LTBP1: variants seen among roughly 807,000 people sequenced by gnomAD.
The protein encoded by LTBP1 is latent transforming growth factor beta binding protein 1, also known as latent-transforming growth factor beta-binding protein 1.
Under a neutral mutation model 207.6 loss-of-function variants are expected in LTBP1, and 129 were observed. The ratio of observed to expected loss-of-function variants is 0.62; its 90% CI spans 0.54 to 0.72. The LOEUF (loss-of-function observed/expected upper bound fraction) is 0.72. LTBP1 is among the 30% of genes least tolerant of loss of function. The pLI is 0.00. For synonymous variants in LTBP1, 963 were observed against 833.7 expected (o/e 1.16, Z -2.67); for missense variants, 2,281 against 2,217.2 (o/e 1.03, Z -0.58).
intron 2 of LTBP1, among the ~76,000 whole-genome samples, chr2:32,961,558 C>T (rs79413782): frequency 6.6e-6 from 1 of 152,066 alleles, no homozygotes; most frequent in South Asian, 2.1e-4. Context: ...GTTCATCCCC[C>T]CCACCTCAAC....
chr2:33,209,386 C>G (rs2090127759), intron 7 of LTBP1, among the ~76,000 whole-genome samples: 1 of 152,170 alleles, frequency 6.6e-6, no homozygotes, highest in Non-Finnish European at 1.5e-5. Context: ...GCTTCATGGT[C>G]TTGGTTCTCT....
chr2:33,046,488 T>G (rs987467472), intron 3 of LTBP1, among the ~76,000 whole-genome samples: 3 of 152,166 alleles, frequency 2.0e-5, no homozygotes, highest in Non-Finnish European at 2.9e-5. Flanking sequence ...TGGATAAGCT[T>G]TTTGATGTGC....
At chr2:33,374,750 G>A (rs1021770073) in intron 31 of LTBP1, among the ~76,000 whole-genome samples, 10 of 152,138 alleles carry the variant, frequency 6.6e-5, no homozygotes, top group African/African-American at 2.2e-4. Flanking sequence ...TCAGGAGTTC[G>A]AGACCAGCCT....
chr2:33,202,022 AACACACACACAC>A lies in LTBP1; in HGVS notation c.1701+13199_1701+13210del, dbSNP rs10558832. The stretch of plus-strand genomic sequence containing the variant: ...CCTAAGCTCTAAAGCTTAGCACTGG[AACACACACACAC>A]ACACACACACACACACACACACACA... On this transcript the variant is annotated intron_variant, in intron 7 of 33. Coordinates refer to ENST00000404816, the MANE Select transcript of LTBP1 (RefSeq NM_206943.4). Among the ~76,000 whole-genome samples the A allele has an allele frequency of 1.3e-4, 18 of 140,674 alleles. 1 individual carries two copies. The highest frequency in any genetic ancestry group is 4.8e-4 in the South Asian group (2 of 4,204). 92.3% of individuals were successfully genotyped at this position (140,674 alleles called of 152,430 possible). A position where few individuals can be genotyped will look rare whatever the true frequency, so the allele number is the denominator to read the frequency against.
At chr2:33,037,475 CTT>C (rs981201583) in intron 3 of LTBP1, among the ~76,000 whole-genome samples, 8 of 152,106 alleles carry the variant, frequency 5.3e-5, no homozygotes, top group South Asian at 2.1e-4. Context: ...CTATTTGACT[CTT>C]TTCAAATTTC....
chr2:33,333,931 A>G (rs1006809402), intron 24 of LTBP1, among the ~76,000 whole-genome samples: 2 of 152,166 alleles, frequency 1.3e-5, no homozygotes, highest in African/African-American at 4.8e-5. Context: ...CAAGTAAAAG[A>G]GACCCTGTAG....
At chr2:33,389,437 G>T in intron 32 of LTBP1, 131 bp downstream of exon 32, 1 of 1,256,502 alleles carries the variant, frequency 8.0e-7, no homozygotes, top group African/African-American at 1.5e-5. Context: ...TGGTCAGAAA[G>T]TCTAGGGTGG....
chr2:33,177,630 T>G (rs2086195105), intron 5 of LTBP1, among the ~76,000 whole-genome samples: 1 of 152,140 alleles, frequency 6.6e-6, no homozygotes, highest in Non-Finnish European at 1.5e-5. Flanking sequence ...ATCACACCAC[T>G]ACATTCCAGC....
chr2:33,088,305 A>G (rs939346413), intron 3 of LTBP1, among the ~76,000 whole-genome samples: 5 of 152,186 alleles, frequency 3.3e-5, no homozygotes, highest in Non-Finnish European at 7.3e-5. Flanking sequence ...TACAAAAATT[A>G]GCTAGGCATG....
intron 9 of LTBP1, among the ~76,000 whole-genome samples, chr2:33,238,454 C>T (rs2092155230): frequency 6.6e-6 from 1 of 152,162 alleles, no homozygotes; most frequent in African/African-American, 2.4e-5. Context: ...CACCAAATGT[C>T]ATACTTTCTT....
chr2:33,306,492 C>A lies in LTBP1; in HGVS notation c.3482-2942C>A, dbSNP rs187159020. Among the ~76,000 whole-genome samples the A allele has an allele frequency of 4.4e-3, 668 of 151,960 alleles. 2 individuals carry two copies. Among genetic ancestry groups the A allele is most frequent in the Non-Finnish European group, 6.9e-3 (472 of 67,938 alleles). ...GGCTGAGGCAGGAGAATCGCTTGAACCTGGGTGGCAATAGTTGCAGTGAGT... is the reference window on the plus strand; with the variant it reads ...GGCTGAGGCAGGAGAATCGCTTGAAACTGGGTGGCAATAGTTGCAGTGAGT... On this transcript the variant is annotated intron_variant, in intron 22 of 33. Coordinates refer to ENST00000404816, the MANE Select transcript of LTBP1 (RefSeq NM_206943.4).
intron 3 of LTBP1, among the ~76,000 whole-genome samples, chr2:33,089,804 CA>C (rs1307410452): frequency 6.6e-6 from 1 of 152,228 alleles, no homozygotes; most frequent in East Asian, 1.9e-4. Flanking sequence ...CACTTTTCAC[CA>C]ATATGTTTAT....
intron 19 of LTBP1, among the ~76,000 whole-genome samples, chr2:33,286,676 C>T (rs2093670137): frequency 6.6e-6 from 1 of 152,164 alleles, no homozygotes; most frequent in Admixed American, 6.5e-5. Context: ...TAAAAACACC[C>T]ACCCAAATGT....
chr2:33,138,019 A>G (rs1417151012), intron 5 of LTBP1, among the ~76,000 whole-genome samples: 1 of 152,164 alleles, frequency 6.6e-6, no homozygotes, highest in Non-Finnish European at 1.5e-5. Context: ...CTGGGGTAAC[A>G]TTGGCTCTAT....
intron 21 of LTBP1, among the ~76,000 whole-genome samples, chr2:33,301,177 A>C (rs1208063092): frequency 6.6e-6 from 1 of 152,208 alleles, no homozygotes; most frequent in Non-Finnish European, 1.5e-5. Flanking sequence ...TTCACTTCCC[A>C]ATAAGTATGT....
intron 24 of LTBP1, among the ~76,000 whole-genome samples, chr2:33,318,511 C>G (rs992287261): frequency 6.6e-6 from 1 of 152,176 alleles, no homozygotes; most frequent in African/African-American, 2.4e-5. Context: ...GTTTATAACA[C>G]AGCATAGTTA....
At chr2:33,024,882 C>T (rs187486079) in intron 3 of LTBP1, among the ~76,000 whole-genome samples, 1 of 152,208 alleles carries the variant, frequency 6.6e-6, no homozygotes, top group Non-Finnish European at 1.5e-5. Context: ...CCAGGGGCTG[C>T]AGCCAAGCAG....
chr2:32,959,594 C>CGTGTGT (rs1204933192), intron 2 of LTBP1, among the ~76,000 whole-genome samples: 2 of 61,892 alleles, frequency 3.2e-5, no homozygotes, highest in African/African-American at 1.2e-4. Flanking sequence ...TATATATGTA[C>CGTGTGT]GTGTATATAT....
intron 15 of LTBP1, among the ~76,000 whole-genome samples, chr2:33,266,282 A>G (rs2093173736): frequency 6.6e-6 from 1 of 152,240 alleles, no homozygotes. Context: ...TTGGGCACCA[A>G]TGAGCATGGG....
Sources: allele counts gnomAD v4.1 joint callset (sites outside exome capture counted in the v4.1 genomes callset), GRCh38; gene constraint gnomAD v4.1.1; transcripts MANE v1.5; gene names NCBI Gene and HGNC (gene_info 2026-07-23, HGNC 2026-07-21).